The following VTI1A variants were observed in gnomAD, a reference collection of about 807,000 sequenced individuals.
VTI1A encodes vesicle transport through interaction with t-SNAREs homolog 1A.
In VTI1A, 22 loss-of-function variants were observed where a neutral mutation model predicts 34.9. The observed-to-expected ratio is 0.63, with a 90% CI of 0.45 to 0.90. The LOEUF is 0.90. Ranked by LOEUF, VTI1A falls within the 40% of genes least tolerant of loss-of-function variation. The probability of loss-of-function intolerance (pLI) is 0.00; values close to 1 mark genes in which losing one functional copy is unlikely to be tolerated. For synonymous variants in VTI1A, 87 were observed against 97.3 expected (o/e 0.89, Z 0.62); for missense variants, 268 against 275.6 (o/e 0.97, Z 0.20).
intron 5 of VTI1A, among the ~76,000 whole-genome samples, chr10:112,540,652 TG>T (rs1202237806): frequency 6.6e-6 from 1 of 152,206 alleles, no homozygotes; most frequent in Admixed American, 6.5e-5. Flanking sequence ...AGGAATACAC[TG>T]GGGTGGGCAC....
chr10:112,575,635 A>G (rs763249400), intron 5 of VTI1A, among the ~76,000 whole-genome samples: 42 of 152,322 alleles, frequency 2.8e-4, no homozygotes, highest in Admixed American at 7.8e-4. Context: ...TTAAATTAGC[A>G]ATTTATTAAC....
At position 112,564,302 on chromosome 10, in the gene VTI1A, G is replaced by A. The variant is rs192913862; in HGVS notation, c.427+25972G>A. The stretch of plus-strand genomic sequence containing the variant: ...CGTTGTTGATTTCTTTATAACAAAA[G>A]CAATAGAAAGAAAAGATGAAGTAAT... On this transcript the variant is annotated intron_variant, in intron 5 of 7. Coordinates refer to ENST00000393077, the MANE Select transcript of VTI1A (RefSeq NM_145206.4). 2.2e-3 allele frequency among the ~76,000 whole-genome samples: 327 copies of A among 151,568 alleles called. 2 individuals carry two copies. The highest frequency in any genetic ancestry group is 2.0e-3 in the Non-Finnish European group (138 of 67,840).
In VTI1A at chr10:112,585,143, C is replaced by T. The variant is rs78349098; in HGVS notation, c.427+46813C>T. ...ATCCCAGTTTTAATAAAGGGCCACACAGAAGAAAATGTATGCTACAAAATG... is the reference window on the plus strand; with the variant it reads ...ATCCCAGTTTTAATAAAGGGCCACATAGAAGAAAATGTATGCTACAAAATG... On this transcript the variant is annotated intron_variant, in intron 5 of 7. Coordinates refer to ENST00000393077, the MANE Select transcript of VTI1A (RefSeq NM_145206.4). 8.7e-4 allele frequency among the ~76,000 whole-genome samples: 133 copies of T among 152,284 alleles called. 1 individual carries two copies. In the East Asian group the frequency reaches 0.025, roughly 29 times the overall value.
chr10:112,534,294 T>C (rs1260179585), intron 4 of VTI1A, among the ~76,000 whole-genome samples: 2 of 152,280 alleles, frequency 1.3e-5, no homozygotes, highest in East Asian at 3.9e-4. Context: ...TTTAAAAAAT[T>C]AAGTCAAACA....
intron 5 of VTI1A, among the ~76,000 whole-genome samples, chr10:112,584,683 G>A (rs1844080064): frequency 6.6e-6 from 1 of 152,192 alleles, no homozygotes; most frequent in African/African-American, 2.4e-5. Context: ...ACCAGCTACT[G>A]TACTAGACTC....
chr10:112,599,998 C>G (rs1168474401), intron 5 of VTI1A, among the ~76,000 whole-genome samples: 2 of 152,070 alleles, frequency 1.3e-5, no homozygotes, highest in Non-Finnish European at 2.9e-5. Context: ...ACTTATTATT[C>G]TCATTTTACA....
At chr10:112,794,614 A>T (rs942868190) in intron 7 of VTI1A, among the ~76,000 whole-genome samples, 3 of 152,140 alleles carry the variant, frequency 2.0e-5, no homozygotes, top group African/African-American at 7.2e-5. Context: ...CAACGCCTAG[A>T]CACAATCATT....
chr10:112,660,461 C>T (rs1015276414), intron 5 of VTI1A, among the ~76,000 whole-genome samples: 8 of 152,178 alleles, frequency 5.3e-5, no homozygotes, highest in African/African-American at 1.9e-4. Flanking sequence ...TCTCATTTTA[C>T]ATTTAAGGAA....
intron 2 of VTI1A, among the ~76,000 whole-genome samples, chr10:112,461,503 A>C (rs1847726364): frequency 6.6e-6 from 1 of 152,182 alleles, no homozygotes; most frequent in Admixed American, 6.5e-5. Context: ...GGAGGTCCCA[A>C]ATCCTGTTAA....
At chr10:112,668,063 C>G (rs953128888) in intron 5 of VTI1A, among the ~76,000 whole-genome samples, 155 bp from the exon 6 acceptor site, 3 of 152,096 alleles carry the variant, frequency 2.0e-5, no homozygotes, top group Admixed American at 6.5e-5. Context: ...TTATCAAATA[C>G]TGTTTATATT....
At chr10:112,558,518 C>T (rs973454149) in intron 5 of VTI1A, among the ~76,000 whole-genome samples, 4 of 152,294 alleles carry the variant, frequency 2.6e-5, no homozygotes, top group African/African-American at 9.6e-5. Flanking sequence ...CTAATGCTAT[C>T]ATGAATGAAG....
chr10:112,544,921 G>A (rs1851020424), intron 5 of VTI1A, among the ~76,000 whole-genome samples: 1 of 152,204 alleles, frequency 6.6e-6, no homozygotes, highest in Non-Finnish European at 1.5e-5. Context: ...CATGGGACAT[G>A]GAAGGGGTCT....
Position 112,538,329 on chromosome 10 carries a change from C to T in VTI1A, c.426C>T (p.Thr142=), listed in dbSNP as rs771308871. Residue 142 remains threonine (T), a splice_region_variant and synonymous_variant, in exon 5 of 8, where the codon ACC becomes ACT. Transcript: ENST00000393077. The part of the protein sequence containing the change: ...LEAGYQIAVE[T]EQIGQEMLEN... ...CTGGATACCAAATAGCAGTGGAAAC[C>T]GGTAAGAATTCTGAGAGTGAGCAAA... 7 of 1,613,150 alleles carry T rather than the reference C, an allele frequency of 4.3e-6. No homozygotes were observed. Among genetic ancestry groups the T allele is most frequent in the Admixed American group, 3.3e-5 (2 of 59,946 alleles).
chr10:112,821,598 T>TG (rs1237267233), downstream of VTI1A, among the ~76,000 whole-genome samples: 2 of 152,162 alleles, frequency 1.3e-5, no homozygotes, highest in Non-Finnish European at 2.9e-5. Context: ...CTGACACCTG[T>TG]GGGGGCCCTA....
chr10:112,541,814 T>C (rs1850882330), intron 5 of VTI1A, among the ~76,000 whole-genome samples: 3 of 152,332 alleles, frequency 2.0e-5, no homozygotes, highest in Admixed American at 6.5e-5. Flanking sequence ...CACACCCTGA[T>C]ATGCACGGAG....
chr10:112,545,498 G>A (rs1279813487), intron 5 of VTI1A, among the ~76,000 whole-genome samples: 4 of 152,080 alleles, frequency 2.6e-5, no homozygotes, highest in African/African-American at 9.7e-5. Context: ...TCTTTTTTCT[G>A]TCTAATCATT....
intron 7 of VTI1A, among the ~76,000 whole-genome samples, chr10:112,806,612 G>C (rs985264815): frequency 6.7e-6 from 1 of 150,142 alleles, no homozygotes; most frequent in African/African-American, 2.5e-5. Context: ...TTGAGATAGG[G>C]TCTCACTCTG....
At chr10:112,652,433 A>T (rs922428894) in intron 5 of VTI1A, among the ~76,000 whole-genome samples, 27 of 152,178 alleles carry the variant, frequency 1.8e-4, no homozygotes, top group African/African-American at 6.3e-4. Flanking sequence ...CAGAACAAAG[A>T]GTTAGAGCCA....
chr10:112,737,303 C>G (rs1183773277), intron 7 of VTI1A: 1 of 1,011,810 alleles, frequency 9.9e-7, no homozygotes, highest in East Asian at 6.6e-5. Flanking sequence ...AGGATGGTCT[C>G]GATCTCTTAA....
Sources: gnomAD v4.1 joint callset for allele counts (sites outside exome capture counted in the v4.1 genomes callset) on GRCh38, gnomAD v4.1.1 for gene constraint, MANE v1.5 for transcripts, NCBI Gene and HGNC (gene_info 2026-07-23, HGNC 2026-07-21) for gene names.